RCOR1: variants seen among roughly 807,000 people sequenced by gnomAD.
RCOR1 encodes REST corepressor.
A neutral mutation model predicts 64.0 loss-of-function variants in RCOR1; 12 were observed. That is an observed-to-expected ratio of 0.19 (90% CI 0.12 to 0.30). The LOEUF (loss-of-function observed/expected upper bound fraction) is 0.30, where lower values mean the gene tolerates loss of function less well. RCOR1 is among the 10% of genes least tolerant of loss of function. The pLI is 1.00. For missense variants in RCOR1, 502 were observed against 621.2 expected (o/e 0.81, Z 2.04); for synonymous variants, 279 against 227.2 (o/e 1.23, Z -2.05).
At chr14:102,608,471 G>T (rs1334260869) in intron 2 of RCOR1, among the ~76,000 whole-genome samples, 1 of 152,022 alleles carries the variant, frequency 6.6e-6, no homozygotes, top group African/African-American at 2.4e-5. Context: ...GTCTTGCTCT[G>T]TCGTCCAGGC....
intron 11 of RCOR1, among the ~76,000 whole-genome samples, chr14:102,723,254 C>T (rs537011782): frequency 6.6e-6 from 1 of 152,304 alleles, no homozygotes; most frequent in East Asian, 1.9e-4. Context: ...TTTGAGATTA[C>T]CTATTTTGTA....
chr14:102,665,335 AAAAT>A (rs1894898828), intron 2 of RCOR1, among the ~76,000 whole-genome samples: 1 of 137,674 alleles, frequency 7.3e-6, no homozygotes, highest in African/African-American at 2.8e-5. Context: ...TTTTTTAAAT[AAAAT>A]AGGCTTTGTT....
chr14:102,688,428 T>G (rs1483745376), intron 3 of RCOR1, among the ~76,000 whole-genome samples: 2 of 152,204 alleles, frequency 1.3e-5, no homozygotes, highest in Non-Finnish European at 2.9e-5. Flanking sequence ...GACGGAGTTT[T>G]AGCTAGAACT....
chr14:102,597,121 C>T (rs1893269556), intron 2 of RCOR1, among the ~76,000 whole-genome samples: 1 of 151,954 alleles, frequency 6.6e-6, no homozygotes, highest in Non-Finnish European at 1.5e-5. Context: ...GATCTGCCCC[C>T]CTCGGCCTCC....
chr14:102,725,590 T>C (rs1383411590), intron 11 of RCOR1, among the ~76,000 whole-genome samples: 1 of 152,186 alleles, frequency 6.6e-6, no homozygotes, highest in Non-Finnish European at 1.5e-5. Flanking sequence ...ATTTGTGTTT[T>C]TGAGACGGAG....
rs199902102 is a variant in RCOR1, at chr14:102,638,655, GT to G, written c.362-43231del. ...GCCACCTCGCCTGGCCTATAGTAGT[GT>G]TTTTTTTTCTTTTCTTTTCTTTTTT... On this transcript the variant is annotated intron_variant, in intron 2 of 11. Transcript: ENST00000262241. Among the ~76,000 whole-genome samples, 7 of 150,298 alleles carry G rather than the reference GT, an allele frequency of 4.7e-5. No homozygotes were observed. The East Asian group carries it at 7.9e-4, about 17-fold the overall frequency.
intron 2 of RCOR1, among the ~76,000 whole-genome samples, chr14:102,614,925 G>A (rs1276373952): frequency 1.3e-5 from 2 of 150,718 alleles, no homozygotes; most frequent in African/African-American, 2.4e-5. Flanking sequence ...TCCACCTCCC[G>A]GGTTCATACC....
At chr14:102,673,582 G>A (rs571061489) in intron 2 of RCOR1, among the ~76,000 whole-genome samples, 4 of 151,870 alleles carry the variant, frequency 2.6e-5, no homozygotes, top group African/African-American at 4.8e-5. Context: ...TGATCCGCCC[G>A]CCTTGGCCTC....
At chr14:102,650,943 T>C in intron 2 of RCOR1, 1 of 757,934 alleles carries the variant, frequency 1.3e-6, no homozygotes, top group Non-Finnish European at 1.6e-6. Context: ...ATCTTATTAC[T>C]AATAATTCCT....
intron 2 of RCOR1, among the ~76,000 whole-genome samples, chr14:102,603,879 G>T (rs1893451608): frequency 6.6e-6 from 1 of 151,948 alleles, no homozygotes. Flanking sequence ...ATAGGTTTTG[G>T]TTTTTTGTAT....
At chr14:102,685,544 G>A (rs1895400636) in intron 3 of RCOR1, among the ~76,000 whole-genome samples, 1 of 149,668 alleles carries the variant, frequency 6.7e-6, no homozygotes, top group South Asian at 2.1e-4. Flanking sequence ...GTGCAGTTGT[G>A]CGATCTTGGC....
chr14:102,657,239 T>C, intron 2 of RCOR1: 1 of 985,366 alleles, frequency 1.0e-6, no homozygotes. Flanking sequence ...GTGCTTAGTG[T>C]CAGTGCATAG....
intron 3 of RCOR1, among the ~76,000 whole-genome samples, chr14:102,694,433 TTTTG>T (rs1020296692): frequency 4.6e-5 from 7 of 152,038 alleles, no homozygotes; most frequent in Admixed American, 1.3e-4. Context: ...ATTTTTTTGT[TTTTG>T]TTTTTGTTTT....
At chr14:102,723,779 T>C (rs1896209691) in intron 11 of RCOR1, among the ~76,000 whole-genome samples, 1 of 152,184 alleles carries the variant, frequency 6.6e-6, no homozygotes, top group Non-Finnish European at 1.5e-5. Flanking sequence ...GAATGAAAGC[T>C]TGCTTCTTGT....
intron 3 of RCOR1, among the ~76,000 whole-genome samples, chr14:102,700,042 C>G (rs1895725542): frequency 6.6e-6 from 1 of 151,998 alleles, no homozygotes; most frequent in African/African-American, 2.4e-5. Context: ...CACTGGGTCA[C>G]GTAATCTATC....
At chr14:102,706,887 T>G (rs1895870471) in intron 4 of RCOR1, among the ~76,000 whole-genome samples, 1 of 151,838 alleles carries the variant, frequency 6.6e-6, no homozygotes, top group South Asian at 2.1e-4. Flanking sequence ...ATTTATAGTT[T>G]CTCTGTGACC....
At chr14:102,686,717 A>G (rs1012723863) in intron 3 of RCOR1, among the ~76,000 whole-genome samples, 7 of 152,176 alleles carry the variant, frequency 4.6e-5, no homozygotes, top group African/African-American at 1.7e-4. Context: ...ACTTAGCAAT[A>G]TGCATTTAAG....
intron 2 of RCOR1, among the ~76,000 whole-genome samples, chr14:102,605,162 G>T (rs148932857): frequency 2.2e-3 from 339 of 151,988 alleles, no homozygotes; most frequent in African/African-American, 7.8e-3. Flanking sequence ...GGCCCCAGGT[G>T]TTGGGGAATT....
intron 2 of RCOR1, among the ~76,000 whole-genome samples, chr14:102,622,860 G>C (rs1234308518): frequency 6.6e-6 from 1 of 152,068 alleles, no homozygotes; most frequent in Non-Finnish European, 1.5e-5. Context: ...TGTACTATGC[G>C]CTCCTGATTT....
Sources: gnomAD v4.1 joint callset for allele counts (sites outside exome capture counted in the v4.1 genomes callset) on GRCh38, gnomAD v4.1.1 for gene constraint, MANE v1.5 for transcripts, NCBI Gene and HGNC (gene_info 2026-07-23, HGNC 2026-07-21) for gene names.